Variants in MN1 observed in about 807,000 individuals in gnomAD.
The protein encoded by MN1 is MN1 proto-oncogene, transcriptional regulator, also known as transcriptional activator MN1.
In MN1, 19 loss-of-function variants were observed where a neutral mutation model predicts 86.9. The ratio of observed to expected loss-of-function variants is 0.22; its 90% CI spans 0.15 to 0.32. The LOEUF is 0.32. MN1 is among the 10% of genes least tolerant of loss of function. MN1 has a pLI of 1.00. For synonymous variants in MN1, 928 were observed against 849.6 expected, an observed-to-expected ratio of 1.09 and a Z score of -1.60; for missense variants, 1,841 against 1,862.0, an observed-to-expected ratio of 0.99 and a Z score of 0.21.
chr22:27,754,472 G>A (rs753525086), intron 1 of MN1, among the ~76,000 whole-genome samples: 5 of 152,194 alleles, frequency 3.3e-5, no homozygotes, highest in Non-Finnish European at 7.3e-5. Context: ...CATGGGTGCA[G>A]GATTCCCCAG....
rs1361403401 is a variant in MN1 at position 27,797,071 on chromosome 22, G to A, written c.3473C>T (p.Ala1158Val). 1 of 1,611,554 alleles carries A rather than the reference G, an allele frequency of 6.2e-7. No homozygotes were observed. Among genetic ancestry groups the A allele is most frequent in the Non-Finnish European group, 8.5e-7 (1 of 1,179,406 alleles). ...CTGCTGCCTCTGTAGCTGGATCTGC[G>A]CCTGAAGGATCTCCAGGGGGTGGAT... Reference protein sequence around the residue: ...DEIHPLEILQAQIQLQRQQFS... With the variant: ...DEIHPLEILQVQIQLQRQQFS... Residue 1158 changes from alanine (A) to valine (V), a missense_variant, in exon 1 of 2, where the codon GCG (alanine) becomes GTG (valine). By Grantham distance (64) the Ala-to-Val change is moderately conservative. Coordinates refer to ENST00000302326, the MANE Select transcript of MN1 (RefSeq NM_002430.3).
chr22:27,770,439 G>A (rs546584024), intron 1 of MN1, among the ~76,000 whole-genome samples: 5 of 140,072 alleles, frequency 3.6e-5, no homozygotes, highest in Non-Finnish European at 7.5e-5. Context: ...AGGCCCTCTT[G>A]GGCAGAGAAT....
At position 27,797,623 on chromosome 22, in the gene MN1, A is replaced by ACCCCAGGTGCGC; in HGVS notation, c.2909_2920dup (p.Gly970_Gly973dup). 6.3e-7 allele frequency: 1 copy of ACCCCAGGTGCGC among 1,592,410 alleles called. No homozygotes were observed. Among genetic ancestry groups the ACCCCAGGTGCGC allele is most frequent in the Non-Finnish European group, 8.6e-7 (1 of 1,169,362 alleles). ...TGACGCTTGCTGCTGCCCTGGGCTC[A>ACCCCAGGTGCGC]CCCCAGGTGCGCCCCCGCTGTCCGG... On this transcript the variant is annotated inframe_insertion, in exon 1 of 2. Transcript: ENST00000302326.
chr22:27,752,259 T>C (rs996006293), intron 1 of MN1, among the ~76,000 whole-genome samples: 1 of 152,154 alleles, frequency 6.6e-6, no homozygotes, highest in African/African-American at 2.4e-5. Flanking sequence ...GCTGTTGATA[T>C]GTACAAGGTG....
chr22:27,771,256 TCTCA>T (rs951287710), intron 1 of MN1, among the ~76,000 whole-genome samples: 7 of 132,544 alleles, frequency 5.3e-5, no homozygotes, highest in South Asian at 2.6e-4. Context: ...AGAGATAGGG[TCTCA>T]CTCTGTCATC....
At chr22:27,791,009 G>A (rs144659970) in intron 1 of MN1, among the ~76,000 whole-genome samples, 15 of 152,224 alleles carry the variant, frequency 9.9e-5, no homozygotes, top group African/African-American at 3.4e-4. Flanking sequence ...TCCTTTCCCC[G>A]CTCGCCTTCA....
intron 1 of MN1, among the ~76,000 whole-genome samples, chr22:27,754,801 C>T (rs952291664): frequency 2.6e-5 from 4 of 152,162 alleles, no homozygotes; most frequent in Non-Finnish European, 5.9e-5. Flanking sequence ...ATAAAACCAC[C>T]CCCTTGCCAA....
rs45579135 is a variant in MN1 at position 27,801,317 on chromosome 22, C to CTCGGCAGCGGGTGCGCTGCGT, written c.-795_-775dup. The CTCGGCAGCGGGTGCGCTGCGT allele has an allele frequency of 0.11, 23,516 of 218,250 alleles. 2,496 individuals are homozygous for CTCGGCAGCGGGTGCGCTGCGT. Among genetic ancestry groups the CTCGGCAGCGGGTGCGCTGCGT allele is most frequent in the African/African-American group, 0.31 (13,668 of 44,222 alleles). The allele number at this position is 218,250 out of a possible 1,614,324, so 13.5% of individuals were successfully genotyped here. On this transcript the variant is annotated 5_prime_UTR_variant, in exon 1 of 2. Transcript: ENST00000302326. ...GTCGGGGAAAGGCGCGGCTCCTCTGCTCGGCAGCGGGTGCGCTGCGTTCGG... is the reference window on the plus strand; with the variant it reads ...GTCGGGGAAAGGCGCGGCTCCTCTGCTCGGCAGCGGGTGCGCTGCGTTCGGCAGCGGGTGCGCTGCGTTCGG...
chr22:27,793,296 T>C (rs964531960), intron 1 of MN1, among the ~76,000 whole-genome samples: 7 of 150,508 alleles, frequency 4.7e-5, no homozygotes, highest in African/African-American at 1.8e-4. Flanking sequence ...TTATCTCTCC[T>C]CTCTGTGTTG....
At chr22:27,774,696 G>T (rs1191512479) in intron 1 of MN1, among the ~76,000 whole-genome samples, 1 of 152,150 alleles carries the variant, frequency 6.6e-6, no homozygotes. Context: ...CGCATGAACG[G>T]GTTTCGTGCC....
At chr22:27,782,223 G>C (rs1415890918) in intron 1 of MN1, among the ~76,000 whole-genome samples, 1 of 152,172 alleles carries the variant, frequency 6.6e-6, no homozygotes, top group Non-Finnish European at 1.5e-5. Flanking sequence ...CGAACAAGGA[G>C]AAGGTCTGCA....
Position 27,749,942 on chromosome 22 carries a change from T to A in MN1, c.*973A>T, listed in dbSNP as rs1932747448. ...AAAAGGGAAAGGGCTGAGAACAGCCTCCTCCAACTCCAGCACCCAAGGCAC... is the reference window on the plus strand; with the variant it reads ...AAAAGGGAAAGGGCTGAGAACAGCCACCTCCAACTCCAGCACCCAAGGCAC... On this transcript the variant is annotated 3_prime_UTR_variant, in exon 2 of 2. Coordinates refer to ENST00000302326, the MANE Select transcript of MN1 (RefSeq NM_002430.3). 4.3e-6 allele frequency: 1 copy of A among 231,674 alleles called. No homozygotes were observed. Among genetic ancestry groups the A allele is most frequent in the Admixed American group, 5.6e-5 (1 of 17,700 alleles). 14.4% of individuals were successfully genotyped at this position (231,674 alleles called of 1,614,324 possible).
intron 1 of MN1, among the ~76,000 whole-genome samples, chr22:27,770,368 G>A (rs946691378): frequency 6.6e-6 from 1 of 152,230 alleles, no homozygotes; most frequent in African/African-American, 2.4e-5. Flanking sequence ...GGGAAGAGAG[G>A]ACTGAGGTGG....
chr22:27,786,503 G>A (rs969121822), intron 1 of MN1, among the ~76,000 whole-genome samples: 2 of 149,508 alleles, frequency 1.3e-5, no homozygotes, highest in African/African-American at 4.9e-5. Context: ...AGCATAAAAG[G>A]TACTGCAAAG....
intron 1 of MN1, among the ~76,000 whole-genome samples, chr22:27,787,808 G>A (rs1377452729): frequency 6.6e-6 from 1 of 152,148 alleles, no homozygotes; most frequent in Non-Finnish European, 1.5e-5. Flanking sequence ...GCACGTCTGG[G>A]TCCTGACCTA....
At chr22:27,753,316 G>A (rs904766396) in intron 1 of MN1, among the ~76,000 whole-genome samples, 1 of 152,212 alleles carries the variant, frequency 6.6e-6, no homozygotes, top group Admixed American at 6.5e-5. Context: ...CCAAAGCACG[G>A]TCACTTTGAA....
At chr22:27,788,225 C>G (rs553304372) in intron 1 of MN1, among the ~76,000 whole-genome samples, 2 of 152,178 alleles carry the variant, frequency 1.3e-5, no homozygotes, top group Non-Finnish European at 2.9e-5. Context: ...GAAAATACGC[C>G]GCACCCCAAT....
chr22:27,800,228 G>T lies in MN1; in HGVS notation c.316C>A (p.His106Asn). The T allele has an allele frequency of 1.3e-6, 2 of 1,582,266 alleles. No individual in the cohort carries two copies. The highest frequency in any genetic ancestry group is 3.6e-5 in the Admixed American group (2 of 55,796). Reference sequence around the variant, plus strand: ...AAGTGGGGGTGATGCTGGTGGGGATGATGACTTCCCGGGTGGCCGTGGTGA... The same window carrying T: ...AAGTGGGGGTGATGCTGGTGGGGATTATGACTTCCCGGGTGGCCGTGGTGA... ...QPHHGHPGSH[H>N]PHQHHPHFGG... The change falls in exon 1 of 2, where the codon CAT becomes AAT. Residue 106 changes from histidine to asparagine, a missense_variant. Physicochemically the swap from His to Asn is moderately conservative, Grantham distance 68. Coordinates refer to ENST00000302326, the MANE Select transcript of MN1 (RefSeq NM_002430.3).
intron 1 of MN1, among the ~76,000 whole-genome samples, chr22:27,765,120 CTA>C (rs1258450967): frequency 6.6e-6 from 1 of 152,158 alleles, no homozygotes; most frequent in Non-Finnish European, 1.5e-5. Context: ...AAAATATTTG[CTA>C]TAGATTGGGC....
Sources: gnomAD v4.1 joint callset for allele counts (sites outside exome capture counted in the v4.1 genomes callset) on GRCh38, gnomAD v4.1.1 for gene constraint, MANE v1.5 for transcripts, NCBI Gene and HGNC (gene_info 2026-07-23, HGNC 2026-07-21) for gene names.